PCDH15: variants seen among roughly 807,000 people sequenced by gnomAD.
PCDH15 encodes protocadherin related 15.
In PCDH15, 129 loss-of-function variants were observed where a neutral mutation model predicts 178.5. That is an observed-to-expected ratio of 0.72 (90% CI 0.63 to 0.84). The LOEUF is 0.84. Among genes scored for constraint, PCDH15 ranks in the 40% least tolerant of loss-of-function variants. The probability of loss-of-function intolerance (pLI) is 0.00; values close to 1 mark genes in which losing one functional copy is unlikely to be tolerated. For synonymous variants in PCDH15, 800 were observed against 732.0 expected (o/e 1.09, Z -1.50); for missense variants, 2,230 against 2,099.9 (o/e 1.06, Z -1.21).
chr10:54,440,905 T>G (rs2075754419), intron 3 of PCDH15, among the ~76,000 whole-genome samples: 1 of 151,990 alleles, frequency 6.6e-6, no homozygotes, highest in African/African-American at 2.4e-5. Flanking sequence ...TTATTCTCCA[T>G]GTGGCCTTAG....
At chr10:54,392,713 A>G (rs2135344208) in intron 3 of PCDH15, among the ~76,000 whole-genome samples, 1 of 151,878 alleles carries the variant, frequency 6.6e-6, no homozygotes, top group East Asian at 2.0e-4. Context: ...AGCCTGGCCA[A>G]CATAGTGAAA....
At chr10:54,600,614 A>C (rs1347555245) in intron 2 of PCDH15, 10 of 579,422 alleles carry the variant, frequency 1.7e-5, no homozygotes, top group Non-Finnish European at 3.3e-5. Context: ...AGGAGAAACC[A>C]GTGTCTACTA....
intron 1 of PCDH15, among the ~76,000 whole-genome samples, chr10:55,206,166 T>C (rs567037247): frequency 6.6e-6 from 1 of 152,092 alleles, no homozygotes; most frequent in South Asian, 2.1e-4. Flanking sequence ...TCCTAAAACT[T>C]GTAGGAAGGC....
In PCDH15 at chr10:54,997,460, T is replaced by C. The variant is rs1839677215; in HGVS notation, c.-79-99960A>G. The stretch of plus-strand genomic sequence containing the variant: ...ATTATTGGTAAAATTAAAATAAAAG[T>C]TTCTTAGGAATTGTCAGCATACATT... On this transcript the variant is annotated intron_variant, in intron 2 of 5. Coordinates refer to the PCDH15 transcript ENST00000458638. 3.3e-5 allele frequency among the ~76,000 whole-genome samples: 5 copies of C among 152,284 alleles called. No homozygotes were observed. In the South Asian group the frequency reaches 8.3e-4, roughly 25 times the overall value.
intron 1 of PCDH15, among the ~76,000 whole-genome samples, chr10:54,669,438 T>G (rs906609229): frequency 1.3e-5 from 2 of 151,242 alleles, no homozygotes; most frequent in Admixed American, 1.3e-4. Context: ...ATATATAAAA[T>G]TATGTTACAT....
At chr10:53,992,957 G>A (rs11003974) in intron 21 of PCDH15, among the ~76,000 whole-genome samples, 17,007 of 152,174 alleles carry the variant, frequency 0.11, 2,605 homozygotes, top group African/African-American at 0.35. Context: ...GGCTTTCAGA[G>A]TTTTTCCAGT....
chr10:54,080,238 T>G (rs915781748), intron 16 of PCDH15, among the ~76,000 whole-genome samples: 10 of 152,122 alleles, frequency 6.6e-5, no homozygotes, highest in African/African-American at 2.4e-4. Context: ...TTAACAGCAC[T>G]TGGGAAAATT....
At chr10:55,347,486 C>G (rs757175293) in intron 2 of PCDH15, among the ~76,000 whole-genome samples, 18 of 152,106 alleles carry the variant, frequency 1.2e-4, no homozygotes, top group Non-Finnish European at 2.5e-4. Context: ...TATACACACA[C>G]AAATAAATAC....
chr10:55,601,467 G>A (rs1843075114), intron 2 of PCDH15, among the ~76,000 whole-genome samples: 1 of 152,116 alleles, frequency 6.6e-6, no homozygotes, highest in Non-Finnish European at 1.5e-5. Flanking sequence ...CAGGAGCCAG[G>A]AGAAGTAGAT....
At chr10:55,177,527 G>T (rs2132130361) in intron 1 of PCDH15, among the ~76,000 whole-genome samples, 1 of 152,258 alleles carries the variant, frequency 6.6e-6, no homozygotes. Flanking sequence ...CCTGCCTCTG[G>T]GCAGTTGCAG....
intron 23 of PCDH15, among the ~76,000 whole-genome samples, chr10:53,948,198 G>C (rs917825794): frequency 2.6e-5 from 4 of 151,952 alleles, no homozygotes; most frequent in African/African-American, 9.7e-5. Flanking sequence ...TTATTATAGA[G>C]GGCCCTTCTC....
chr10:54,111,450 C>G (rs910034625), intron 15 of PCDH15, among the ~76,000 whole-genome samples: 2 of 151,994 alleles, frequency 1.3e-5, no homozygotes, highest in Non-Finnish European at 2.9e-5. Context: ...CAAAAATTCT[C>G]CAATTCAAAC....
At chr10:54,380,704 C>CTATATATATA in intron 3 of PCDH15, among the ~76,000 whole-genome samples, 1 of 18,190 alleles carries the variant, frequency 5.5e-5, no homozygotes, top group Non-Finnish European at 1.1e-4. Context: ...TATATATGCT[C>CTATATATATA]CATATATATA....
chr10:55,173,056 T>C (rs1839381761), intron 1 of PCDH15, among the ~76,000 whole-genome samples: 1 of 151,962 alleles, frequency 6.6e-6, no homozygotes, highest in Admixed American at 6.6e-5. Flanking sequence ...CACATACAAA[T>C]GGCCATATAA....
At chr10:54,279,987 A>G (rs896848368) in intron 8 of PCDH15, among the ~76,000 whole-genome samples, 1 of 151,748 alleles carries the variant, frequency 6.6e-6, no homozygotes, top group Non-Finnish European at 1.5e-5. Context: ...TCCCATTAAA[A>G]GGATATTAAT....
intron 9 of PCDH15, among the ~76,000 whole-genome samples, chr10:54,230,193 A>AG (rs1030693360): frequency 5.3e-5 from 8 of 152,182 alleles, no homozygotes; most frequent in Admixed American, 6.6e-5. Flanking sequence ...GTAGAAGTAC[A>AG]TTAAAATTAG....
intron 2 of PCDH15, among the ~76,000 whole-genome samples, chr10:54,939,001 T>G (rs1837984136): frequency 6.6e-6 from 1 of 152,208 alleles, no homozygotes; most frequent in Admixed American, 6.5e-5. Context: ...ATCTTGATTT[T>G]ATTCTTTTGA....
chr10:53,938,582 T>C lies in PCDH15; in HGVS notation c.3373+233A>G, dbSNP rs555527549. Among the ~76,000 whole-genome samples, 16 of 152,274 alleles carry C rather than the reference T, an allele frequency of 1.1e-4. 1 individual carries two copies. The highest frequency in any genetic ancestry group is 4.1e-4 in the South Asian group (2 of 4,824). ...AGACAATGGTGGTATTTTAACAATATTGGATACACAATTTGAAAACGGTGT... is the reference window on the plus strand; with the variant it reads ...AGACAATGGTGGTATTTTAACAATACTGGATACACAATTTGAAAACGGTGT... On this transcript the variant is annotated intron_variant, in intron 25 of 37. Coordinates refer to ENST00000644397, the MANE Select transcript of PCDH15 (RefSeq NM_001384140.1).
intron 1 of PCDH15, among the ~76,000 whole-genome samples, chr10:54,673,395 T>C (rs2135531964): frequency 6.6e-6 from 1 of 152,286 alleles, no homozygotes; most frequent in South Asian, 2.1e-4. Flanking sequence ...ATGTCATTTT[T>C]ATTAGATATA....
Sources: gnomAD v4.1 joint callset for allele counts (sites outside exome capture counted in the v4.1 genomes callset) on GRCh38, gnomAD v4.1.1 for gene constraint, MANE v1.5 for transcripts, NCBI Gene and HGNC (gene_info 2026-07-23, HGNC 2026-07-21) for gene names.